The following RPSA2 variants were observed in gnomAD, a reference collection of about 807,000 sequenced individuals.
RPSA2 encodes small ribosomal subunit protein uS2B.
the RPSA2 span, among the ~76,000 whole-genome samples, chr19:23,865,368 C>T: frequency 1.3e-5 from 2 of 152,160 alleles, no homozygotes; most frequent in African/African-American, 4.8e-5. Context: ...CCCATTGTTT[C>T]CACAGGCAGG....
chr19:23,812,388 C>CTTTTTTTTTTTTTTTTTTTTTTTT, the RPSA2 span, among the ~76,000 whole-genome samples: 44 of 114,180 alleles, frequency 3.9e-4, no homozygotes, highest in African/African-American at 5.7e-4. Flanking sequence ...CTCTTTTTCT[C>CTTTTTTTTTTTTTTTTTTTTTTTT]TTTTTTTTTT....
chr19:23,783,218 T>C, the RPSA2 span, among the ~76,000 whole-genome samples: 148,764 of 152,082 alleles, frequency 0.98, 72,852 homozygotes, highest in Middle Eastern at 1. Context: ...GGCTCAGCCT[T>C]CTGAGTAGCT....
chr19:23,844,039 G>A, the RPSA2 span, among the ~76,000 whole-genome samples: 3 of 152,126 alleles, frequency 2.0e-5, no homozygotes, highest in Non-Finnish European at 4.4e-5. Context: ...AATTACAGGT[G>A]TGAACCACCG....
At chr19:23,843,303 C>T in the RPSA2 span, 1 of 168,982 alleles carries the variant, frequency 5.9e-6, no homozygotes. Context: ...AAGCAGATAA[C>T]ACAGACAAGA....
the RPSA2 span, among the ~76,000 whole-genome samples, chr19:23,788,579 A>T: frequency 6.6e-6 from 1 of 152,110 alleles, no homozygotes; most frequent in South Asian, 2.1e-4. Context: ...CCACAAGAGT[A>T]TTATGAAATA....
chr19:23,761,706 G>C, the RPSA2 span, among the ~76,000 whole-genome samples: 1 of 151,636 alleles, frequency 6.6e-6, no homozygotes, highest in African/African-American at 2.4e-5. Flanking sequence ...AATCAAATCA[G>C]GACATCCACA....
chr19:23,791,220 C>T, the RPSA2 span, among the ~76,000 whole-genome samples: 4 of 152,146 alleles, frequency 2.6e-5, no homozygotes, highest in South Asian at 8.3e-4. Flanking sequence ...AGGGGCTTCT[C>T]GAACTCCTGA....
At chr19:23,772,821 C>T in the RPSA2 span, among the ~76,000 whole-genome samples, 1 of 152,190 alleles carries the variant, frequency 6.6e-6, no homozygotes, top group Non-Finnish European at 1.5e-5. Context: ...CATTTCTAAA[C>T]TCAGAACATA....
the RPSA2 span, among the ~76,000 whole-genome samples, chr19:23,803,326 G>A: frequency 1.3e-5 from 2 of 151,960 alleles, no homozygotes; most frequent in Non-Finnish European, 2.9e-5. Flanking sequence ...TTTAGGGTTG[G>A]TGCTCATGAT....
the RPSA2 span, among the ~76,000 whole-genome samples, chr19:23,780,420 G>C: frequency 6.6e-6 from 1 of 152,120 alleles, no homozygotes; most frequent in Admixed American, 6.6e-5. Context: ...GAGGTGGGCG[G>C]ATCACAAGGT....
chr19:23,847,073 G>A, the RPSA2 span, among the ~76,000 whole-genome samples: 2 of 151,166 alleles, frequency 1.3e-5, no homozygotes, highest in Non-Finnish European at 2.9e-5. Context: ...CCTTATTTTT[G>A]TCTCAGTAAA....
At chr19:23,852,163 G>T in the RPSA2 span, among the ~76,000 whole-genome samples, 4 of 152,162 alleles carry the variant, frequency 2.6e-5, no homozygotes, top group Admixed American at 6.5e-5. Flanking sequence ...ATGAATTGCA[G>T]TTCCAATGAA....
At chr19:23,853,285 G>A in the RPSA2 span, among the ~76,000 whole-genome samples, 1 of 152,242 alleles carries the variant, frequency 6.6e-6, no homozygotes, top group Admixed American at 6.5e-5. Flanking sequence ...GGCATGACAG[G>A]TTGGATGGCT....
the RPSA2 span, among the ~76,000 whole-genome samples, chr19:23,796,866 A>ATT: frequency 9.0e-4 from 133 of 148,200 alleles, no homozygotes; most frequent in African/African-American, 2.1e-3. Context: ...TATTTATCTT[A>ATT]TTTTTTTTTT....
chr19:23,831,362 T>C, the RPSA2 span, among the ~76,000 whole-genome samples: 148,880 of 152,222 alleles, frequency 0.98, 72,900 homozygotes, highest in Middle Eastern at 1. Flanking sequence ...TTCCTTTTTT[T>C]CTTTGTGCTC....
At chr19:23,840,220 A>G in the RPSA2 span, among the ~76,000 whole-genome samples, 5 of 152,212 alleles carry the variant, frequency 3.3e-5, no homozygotes, top group Non-Finnish European at 7.3e-5. Context: ...CTTTTGCCTA[A>G]CAAGATTATT....
At chr19:23,855,533 T>C in the RPSA2 span, among the ~76,000 whole-genome samples, 1 of 152,144 alleles carries the variant, frequency 6.6e-6, no homozygotes, top group Non-Finnish European at 1.5e-5. Context: ...TGTTTGTTTG[T>C]TTTGGCATAA....
the RPSA2 span, among the ~76,000 whole-genome samples, chr19:23,784,630 G>T: frequency 6.6e-6 from 1 of 152,198 alleles, no homozygotes; most frequent in African/African-American, 2.4e-5. Context: ...AGATAATGTC[G>T]TAGGAGTACA....
chr19:23,835,740 A>G, the RPSA2 span, among the ~76,000 whole-genome samples: 1 of 151,874 alleles, frequency 6.6e-6, no homozygotes, highest in African/African-American at 2.4e-5. Flanking sequence ...AGGTTCAAGC[A>G]GTTCTGCCTC....
Sources: allele counts gnomAD v4.1 joint callset (sites outside exome capture counted in the v4.1 genomes callset), GRCh38; gene constraint gnomAD v4.1.1; transcripts MANE v1.5; gene names NCBI Gene and HGNC (gene_info 2026-07-23, HGNC 2026-07-21).